TRIM5: variants seen among roughly 807,000 people sequenced by gnomAD.
TRIM5 encodes tripartite motif-containing protein 5.
A neutral mutation model predicts 35.6 loss-of-function variants in TRIM5; 31 were observed. That is an observed-to-expected ratio of 0.87 (90% CI 0.65 to 1.18). The LOEUF is 1.18. Ranked by LOEUF, TRIM5 falls within the 50% of genes most tolerant of loss-of-function variation. TRIM5 has a pLI of 0.00. For synonymous variants in TRIM5, 243 were observed against 215.6 expected, an observed-to-expected ratio of 1.13 and a Z score of -1.11; for missense variants, 609 against 591.6, an observed-to-expected ratio of 1.03 and a Z score of -0.31.
the TRIM5 span, among the ~76,000 whole-genome samples, chr11:5,625,231 T>G: frequency 3.5e-4 from 53 of 152,122 alleles, no homozygotes; most frequent in African/African-American, 1.3e-3. Flanking sequence ...GCCTAGAGTC[T>G]GGGGAGGGAC....
the TRIM5 span, chr11:5,590,099 C>G: frequency 0.045 from 6,996 of 156,112 alleles, 167 homozygotes; most frequent in South Asian, 0.092. Flanking sequence ...CTTGCCGGGC[C>G]TTAGCTGCCT....
intron 4 of TRIM5, among the ~76,000 whole-genome samples, chr11:5,669,303 C>T (rs1354035638): frequency 1.3e-5 from 2 of 152,086 alleles, no homozygotes. Context: ...TGGTCTTGAA[C>T]TCCCAACCTC....
At chr11:5,609,783 C>T in the TRIM5 span, among the ~76,000 whole-genome samples, 5 of 152,058 alleles carry the variant, frequency 3.3e-5, no homozygotes, top group Admixed American at 1.3e-4. Context: ...ATTAGCCAGG[C>T]GTGGTGGCAC....
chr11:5,683,513 A>G (rs905564381), intron 1 of TRIM5, among the ~76,000 whole-genome samples: 25 of 143,498 alleles, frequency 1.7e-4, no homozygotes, highest in African/African-American at 6.5e-4. Context: ...ACTTGGAGAA[A>G]CTTTATGTCT....
the TRIM5 span, among the ~76,000 whole-genome samples, chr11:5,627,079 T>A: frequency 6.6e-6 from 1 of 151,348 alleles, no homozygotes; most frequent in Non-Finnish European, 1.5e-5. Context: ...GAGAGCAGAG[T>A]GAAGAAGGAC....
chr11:5,633,659 C>T, the TRIM5 span: 2 of 698,828 alleles, frequency 2.9e-6, no homozygotes, highest in South Asian at 2.2e-5. Flanking sequence ...CAAAATTTTC[C>T]CCATGTCATA....
intron 4 of TRIM5, 30 bp from the exon 5 acceptor site, chr11:5,667,741 G>T: frequency 6.2e-7 from 1 of 1,611,344 alleles, no homozygotes; most frequent in Non-Finnish European, 8.5e-7. Context: ...CATCAATTAA[G>T]AAAGAAAGAG....
chr11:5,605,040 G>C, the TRIM5 span: 10 of 473,256 alleles, frequency 2.1e-5, 1 homozygote, highest in South Asian at 1.7e-4. Flanking sequence ...GAAATTGGAA[G>C]AGGAGGCTGA....
chr11:5,649,276 C>A, the TRIM5 span, among the ~76,000 whole-genome samples: 3 of 152,168 alleles, frequency 2.0e-5, no homozygotes, highest in Non-Finnish European at 4.4e-5. Context: ...TTCCACTAAC[C>A]ATTCCATATT....
chr11:5,603,591 A>G, the TRIM5 span: 5 of 1,613,804 alleles, frequency 3.1e-6, no homozygotes, highest in Non-Finnish European at 4.2e-6. Flanking sequence ...AGCAGCTGAA[A>G]GCAGTTCTTT....
the TRIM5 span, chr11:5,632,121 C>G: frequency 7.7e-6 from 10 of 1,292,500 alleles, no homozygotes; most frequent in Non-Finnish European, 1.0e-5. Flanking sequence ...AGACCACTTT[C>G]AGCCATTTTT....
In TRIM5 at chr11:5,680,131, G is replaced by C. The variant is rs1213884539; in HGVS notation, c.47C>G (p.Pro16Arg). 3 of 1,613,636 alleles carry C rather than the reference G, an allele frequency of 1.9e-6. No homozygotes were observed. In the African/African-American group the frequency reaches 4.0e-5, roughly 22 times the overall value. Residue 16 changes from proline (P) to arginine (R), a missense_variant, in exon 2 of 8, where the codon CCC becomes CGC. Coordinates refer to ENST00000380034, the MANE Select transcript of TRIM5 (RefSeq NM_033034.3). ...TTGTGTCAGGAGTTCCAGGCAGATG[G>C]GGCAGGTCACCTCCTCCTTTACATT... ...LVNVKEEVTC[P>R]ICLELLTQPL...
At position 5,665,276 on chromosome 11, in the gene TRIM5, A is replaced by T. The variant is rs781036391; in HGVS notation, c.1015T>A (p.Phe339Ile). 1.9e-5 allele frequency: 30 copies of T among 1,614,114 alleles called. No homozygotes were observed. In the Admixed American group the frequency reaches 5.0e-4, roughly 27 times the overall value. Residue 339 changes from phenylalanine (F) to isoleucine (I), a missense_variant, in exon 8 of 8, where the codon TTT (phenylalanine) becomes ATT (isoleucine). Transcript: ENST00000380034. ...CCAGTACAATAATTGAAATTCACAA[A>T]TGTCTGGTATCTTGTCCCTCGTGCC... is the stretch of plus-strand genomic sequence containing the variant. The part of the protein sequence containing the change: ...YGARGTRYQT[F>I]VNFNYCTGIL...
At chr11:5,610,648 G>A in the TRIM5 span, 5 of 1,572,546 alleles carry the variant, frequency 3.2e-6, no homozygotes, top group Non-Finnish European at 4.3e-6. Context: ...CAGATCCTAG[G>A]TGTTGATGCC....
the TRIM5 span, among the ~76,000 whole-genome samples, chr11:5,656,486 C>G: frequency 6.6e-6 from 1 of 151,902 alleles, no homozygotes; most frequent in African/African-American, 2.4e-5. Context: ...TCCCAAGTAG[C>G]TGGGATTACA....
At chr11:5,609,522 T>C in the TRIM5 span, among the ~76,000 whole-genome samples, 1 of 152,158 alleles carries the variant, frequency 6.6e-6, no homozygotes, top group Non-Finnish European at 1.5e-5. Context: ...GCAAAAGATT[T>C]CCAAGCCATT....
chr11:5,590,148 C>G, the TRIM5 span: 393 of 155,394 alleles, frequency 2.5e-3, 6 homozygotes, highest in Non-Finnish European at 3.7e-3. Context: ...GCCCGCCATG[C>G]GTGAGCCTTC....
chr11:5,663,104 G>C, downstream of TRIM5: 1 of 495,904 alleles, frequency 2.0e-6, no homozygotes, highest in Non-Finnish European at 2.6e-6. Flanking sequence ...CAGCTTGGGT[G>C]ACAGAGACAA....
chr11:5,681,655 T>G (rs1852458332), intron 1 of TRIM5, among the ~76,000 whole-genome samples: 1 of 151,526 alleles, frequency 6.6e-6, no homozygotes, highest in African/African-American at 2.4e-5. Context: ...CCCATAAAAC[T>G]TGTTTAATCC....
Sources: allele counts gnomAD v4.1 joint callset (sites outside exome capture counted in the v4.1 genomes callset), GRCh38; gene constraint gnomAD v4.1.1; transcripts MANE v1.5; gene names NCBI Gene and HGNC (gene_info 2026-07-23, HGNC 2026-07-21).